The following IL6R variants were observed in gnomAD, a reference collection of about 807,000 sequenced individuals.
IL6R encodes the protein interleukin 6 receptor.
A neutral mutation model predicts 48.3 loss-of-function variants in IL6R; 38 were observed. That is an observed-to-expected ratio of 0.79 (90% CI 0.61 to 1.03). The LOEUF (loss-of-function observed/expected upper bound fraction) is 1.03. Ranked by LOEUF, IL6R falls within the 50% of genes least tolerant of loss-of-function variation. The pLI is 0.00. For synonymous variants in IL6R, 264 were observed against 256.2 expected, an observed-to-expected ratio of 1.03 and a Z score of -0.29; for missense variants, 534 against 618.3, an observed-to-expected ratio of 0.86 and a Z score of 1.45.
intron 1 of IL6R, chr1:154,414,518 G>A (rs1688219119): frequency 5.0e-6 from 4 of 806,948 alleles, no homozygotes; most frequent in Non-Finnish European, 8.5e-6. Context: ...GGTGTAGTCG[G>A]TCATCTTTTT....
chr1:154,451,024 T>G (rs371514975), intron 8 of IL6R, among the ~76,000 whole-genome samples: 7 of 152,210 alleles, frequency 4.6e-5, no homozygotes, highest in African/African-American at 1.7e-4. Context: ...CAGTCCAGGC[T>G]CTGACAAAGA....
chr1:154,436,016 C>T lies in IL6R; in HGVS notation c.855C>T (p.Gly285=). Residue 285 remains glycine, a synonymous_variant, in exon 6 of 10, where the codon GGC becomes GGT. Transcript: ENST00000368485. ...GTGTCATCCACGACGCCTGGAGCGG[C>T]CTGAGGCACGTGGTGCAGCTTCGTG... is the stretch of plus-strand genomic sequence containing the variant. ...HHCVIHDAWS[G]LRHVVQLRAQ... is the part of the protein sequence containing the mutation. The T allele has an allele frequency of 6.2e-7, 1 of 1,612,728 alleles. No homozygotes were observed. Among genetic ancestry groups the T allele is most frequent in the East Asian group, 2.2e-5 (1 of 44,846 alleles).
chr1:154,458,964 A>G (rs562461225), intron 9 of IL6R, among the ~76,000 whole-genome samples: 66 of 152,248 alleles, frequency 4.3e-4, no homozygotes, highest in African/African-American at 1.3e-3. Flanking sequence ...CTATTTCTAT[A>G]GGGCCTTAAG....
At chr1:154,447,458 T>A (rs1254668834) in intron 6 of IL6R, among the ~76,000 whole-genome samples, 932 of 75,602 alleles carry the variant, frequency 0.012, 39 homozygotes, top group South Asian at 0.035. Flanking sequence ...AAAAAAAATA[T>A]ATATATATAT....
chr1:154,464,802 T>C (rs1691461264), intron 9 of IL6R, among the ~76,000 whole-genome samples: 1 of 151,712 alleles, frequency 6.6e-6, no homozygotes, highest in Non-Finnish European at 1.5e-5. Context: ...CTATGAGAAA[T>C]ACAAAAATCA....
chr1:154,457,961 CTTTTTCTTTTTTTT>C (rs1328226462), intron 9 of IL6R, among the ~76,000 whole-genome samples: 4 of 108,150 alleles, frequency 3.7e-5, no homozygotes, highest in Non-Finnish European at 6.3e-5. Context: ...TTTTCTTTTT[CTTTTTCTTTTTTTT>C]TTTTTTTTTG....
intron 1 of IL6R, chr1:154,414,397 G>C (rs557260264): frequency 2.9e-5 from 41 of 1,420,018 alleles, no homozygotes; most frequent in Non-Finnish European, 3.6e-5. Flanking sequence ...GGGCATACTC[G>C]GTGACCTGTT....
chr1:154,445,885 T>A (rs1419546530), intron 6 of IL6R, among the ~76,000 whole-genome samples: 1 of 151,982 alleles, frequency 6.6e-6, no homozygotes, highest in Non-Finnish European at 1.5e-5. Context: ...CGAGCATCCA[T>A]GGGCAGCCAT....
intron 1 of IL6R, among the ~76,000 whole-genome samples, chr1:154,424,495 G>A (rs536124246): frequency 1.6e-4 from 25 of 152,210 alleles, no homozygotes; most frequent in Non-Finnish European, 3.5e-4. Context: ...GATATTGCAA[G>A]CATTGCACTG....
intron 6 of IL6R, among the ~76,000 whole-genome samples, chr1:154,445,729 G>C (rs367598991): frequency 7.0e-6 from 1 of 143,750 alleles, no homozygotes; most frequent in Non-Finnish European, 1.5e-5. Context: ...CAGCCCAGGC[G>C]ACAGAGCGAG....
intron 1 of IL6R, among the ~76,000 whole-genome samples, chr1:154,412,061 C>T (rs1688053488): frequency 6.6e-6 from 1 of 150,892 alleles, no homozygotes; most frequent in African/African-American, 2.4e-5. Flanking sequence ...AGTTCTCCTG[C>T]CTCAGCCTCC....
At chr1:154,421,094 C>CT (rs747788338) in intron 1 of IL6R, among the ~76,000 whole-genome samples, 11 of 152,230 alleles carry the variant, frequency 7.2e-5, no homozygotes, top group Non-Finnish European at 1.5e-4. Flanking sequence ...TGCTCCCTCC[C>CT]TGTATGTGAC....
intron 9 of IL6R, among the ~76,000 whole-genome samples, chr1:154,459,396 T>A (rs1210094456): frequency 6.6e-6 from 1 of 152,210 alleles, no homozygotes; most frequent in Non-Finnish European, 1.5e-5. Flanking sequence ...GCCAGTTATT[T>A]CAAGTGATGA....
At chr1:154,433,511 G>A (rs1289378930) in intron 3 of IL6R, among the ~76,000 whole-genome samples, 1 of 152,126 alleles carries the variant, frequency 6.6e-6, no homozygotes, top group African/African-American at 2.4e-5. Flanking sequence ...TGCCTTGAAG[G>A]CAGGGTGGGG....
At position 154,434,655 on chromosome 1, in the gene IL6R, G is replaced by C. The variant is rs982263084; in HGVS notation, c.595G>C (p.Gly199Arg). 6.2e-7 allele frequency: 1 copy of C among 1,614,108 alleles called. No homozygotes were observed. ...GTCCATGTGCGTCGCCAGTAGTGTC[G>C]GGAGCAAGTTCAGCAAAACTCAAAC... ...IVSMCVASSVGSKFSKTQTFQ... is the reference protein window; with the variant it reads ...IVSMCVASSVRSKFSKTQTFQ... The change falls in exon 4 of 10, where the codon GGG becomes CGG. Residue 199 changes from glycine to arginine, a missense_variant. Physicochemically the swap from Gly to Arg is moderately radical, Grantham distance 125 (BLOSUM62 -2). Transcript: ENST00000368485.
At position 154,465,221 on chromosome 1, in the gene IL6R, G is replaced by A; in HGVS notation, c.1248G>A (p.Glu416=). 6.2e-7 allele frequency: 1 copy of A among 1,614,182 alleles called. No individual in the cohort carries two copies. The highest frequency in any genetic ancestry group is 2.2e-5 in the East Asian group (1 of 44,878). The change falls in exon 10 of 10, where the codon GAG becomes GAA. Residue 416 remains glutamate, a synonymous_variant. Coordinates refer to ENST00000368485, the MANE Select transcript of IL6R (RefSeq NM_000565.4). ...PPYSLGQLVP[E]RPRPTPVLVP... is the part of the protein sequence containing the mutation. The stretch of plus-strand genomic sequence containing the variant: ...ACTCTTTGGGGCAGCTGGTCCCGGA[G>A]AGGCCTCGACCCACCCCAGTGCTTG...
intron 6 of IL6R, 138 bp downstream of exon 6, chr1:154,436,248 T>C: frequency 2.1e-6 from 2 of 936,782 alleles, no homozygotes; most frequent in Non-Finnish European, 3.1e-6. Flanking sequence ...CCCAGCACTT[T>C]GGGAGGCTGA....
At chr1:154,458,068 G>A (rs961835921) in intron 9 of IL6R, among the ~76,000 whole-genome samples, 4 of 150,008 alleles carry the variant, frequency 2.7e-5, no homozygotes, top group East Asian at 2.0e-4. Context: ...CCGGGTTCAC[G>A]CCATTCTCCC....
intron 6 of IL6R, chr1:154,444,962 G>A (rs1690137200): frequency 7.1e-6 from 3 of 424,348 alleles, no homozygotes; most frequent in Non-Finnish European, 9.6e-6. Context: ...GAGGAAGGGT[G>A]AAACCTCAAA....
Sources: gnomAD v4.1 joint callset for allele counts (sites outside exome capture counted in the v4.1 genomes callset) on GRCh38, gnomAD v4.1.1 for gene constraint, MANE v1.5 for transcripts, NCBI Gene and HGNC (gene_info 2026-07-23, HGNC 2026-07-21) for gene names.